Variants in RAP1A observed in about 807,000 individuals in gnomAD.
RAP1A encodes the protein ras-related protein Rap-1A.
RAP1A carries 6 observed loss-of-function variants against 26.4 expected under a neutral mutation model. That is an observed-to-expected ratio of 0.23 (90% confidence interval 0.12 to 0.45). RAP1A has a LOEUF of 0.45. RAP1A is among the 20% of genes least tolerant of loss of function. The pLI is 0.99. For missense variants in RAP1A, 121 were observed against 217.2 expected (o/e 0.56, Z 2.78); for synonymous variants, 73 against 79.4 (o/e 0.92, Z 0.43).
At chr1:111,647,931 A>G (rs1259649468) in intron 1 of RAP1A, among the ~76,000 whole-genome samples, 1 of 152,178 alleles carries the variant, frequency 6.6e-6, no homozygotes, top group Non-Finnish European at 1.5e-5. Context: ...CTGAACTTCA[A>G]GGCGTTTAGT....
At chr1:111,580,910 A>G (rs1190613952) in intron 1 of RAP1A, among the ~76,000 whole-genome samples, 1 of 151,470 alleles carries the variant, frequency 6.6e-6, no homozygotes, top group Admixed American at 6.6e-5. Flanking sequence ...AGAGAATGCC[A>G]GAATTTAAGA....
intron 1 of RAP1A, among the ~76,000 whole-genome samples, chr1:111,560,907 T>C (rs1414586601): frequency 6.6e-6 from 1 of 152,192 alleles, no homozygotes; most frequent in Non-Finnish European, 1.5e-5. Flanking sequence ...TGTAGCCCAA[T>C]TTGCTCTTCC....
intron 1 of RAP1A, among the ~76,000 whole-genome samples, chr1:111,654,058 T>A (rs1245721578): frequency 6.6e-6 from 1 of 152,204 alleles, no homozygotes; most frequent in East Asian, 1.9e-4. Flanking sequence ...CTAAGGATAA[T>A]GCTTTGCACA....
chr1:111,596,713 G>C (rs900834124), intron 1 of RAP1A, among the ~76,000 whole-genome samples: 1 of 152,234 alleles, frequency 6.6e-6, no homozygotes, highest in East Asian at 1.9e-4. Flanking sequence ...CCACTTCCTG[G>C]TTCATAGATG....
chr1:111,705,612 A>G (rs1247227709), intron 6 of RAP1A, among the ~76,000 whole-genome samples: 1 of 152,230 alleles, frequency 6.6e-6, no homozygotes, highest in Non-Finnish European at 1.5e-5. Context: ...GTATTTATTC[A>G]GCAAATATTT....
intron 4 of RAP1A, among the ~76,000 whole-genome samples, chr1:111,698,412 G>A (rs1441633673): frequency 6.6e-6 from 1 of 151,990 alleles, no homozygotes; most frequent in Admixed American, 6.6e-5. Flanking sequence ...AGAATTAAAG[G>A]CACGTACCAC....
chr1:111,629,471 T>C (rs1659504584), intron 1 of RAP1A, among the ~76,000 whole-genome samples: 1 of 152,176 alleles, frequency 6.6e-6, no homozygotes, highest in African/African-American at 2.4e-5. Context: ...TATCTTCCAA[T>C]GGAGAAAAGA....
chr1:111,586,572 G>A (rs1039943525), intron 1 of RAP1A, among the ~76,000 whole-genome samples: 1 of 152,200 alleles, frequency 6.6e-6, no homozygotes, highest in African/African-American at 2.4e-5. Context: ...AACAGAGTGA[G>A]ACCACATCTC....
At chr1:111,564,263 C>T (rs1291612360) in intron 1 of RAP1A, among the ~76,000 whole-genome samples, 3 of 152,188 alleles carry the variant, frequency 2.0e-5, no homozygotes, top group Non-Finnish European at 4.4e-5. Flanking sequence ...ATTGCCTTTT[C>T]CCATTCCCTA....
chr1:111,671,005 A>C (rs1175703481), intron 1 of RAP1A, among the ~76,000 whole-genome samples: 6 of 152,254 alleles, frequency 3.9e-5, no homozygotes, highest in Non-Finnish European at 1.5e-5. Flanking sequence ...CTTCAGTTAT[A>C]CTTTACTAAA....
intron 1 of RAP1A, among the ~76,000 whole-genome samples, chr1:111,551,388 T>C: frequency 6.6e-6 from 1 of 152,180 alleles, no homozygotes; most frequent in East Asian, 1.9e-4. Flanking sequence ...TCCTTTACCA[T>C]TTCTTTTACT....
intron 1 of RAP1A, among the ~76,000 whole-genome samples, chr1:111,601,701 C>G (rs1658675418): frequency 6.6e-6 from 1 of 152,222 alleles, no homozygotes. Flanking sequence ...AATCCCAGTT[C>G]TGCCATTTCT....
intron 1 of RAP1A, among the ~76,000 whole-genome samples, chr1:111,638,406 G>C (rs1047907645): frequency 6.6e-6 from 1 of 151,058 alleles, no homozygotes; most frequent in Admixed American, 6.7e-5. Flanking sequence ...TATATGTGCT[G>C]GTCTTTTTCT....
At chr1:111,667,660 C>T (rs1481266571) in intron 1 of RAP1A, among the ~76,000 whole-genome samples, 5 of 147,050 alleles carry the variant, frequency 3.4e-5, no homozygotes, top group Admixed American at 6.9e-5. Flanking sequence ...CCAGCCTGGG[C>T]GACAAGAGCA....
rs1661658555 is a variant in RAP1A at position 111,691,338 on chromosome 1, T to C, written c.-23T>C. 6.2e-7 allele frequency: 1 copy of C among 1,602,330 alleles called. No individual in the cohort carries two copies. The highest frequency in any genetic ancestry group is 8.5e-7 in the Non-Finnish European group (1 of 1,172,432). On this transcript the variant is annotated 5_prime_UTR_variant, in exon 2 of 8. Transcript: ENST00000369709. ...ATTTTTTTGTTTGTTTTTCAGATCG[T>C]CAGTATTTAAACAGATCACATCATG...
intron 1 of RAP1A, among the ~76,000 whole-genome samples, chr1:111,655,156 C>G (rs529811123): frequency 7.9e-5 from 12 of 151,286 alleles, no homozygotes; most frequent in Non-Finnish European, 1.2e-4. Context: ...GTACCCAATC[C>G]TTAGCAGTTA....
chr1:111,559,012 C>A (rs1657626731), intron 1 of RAP1A, among the ~76,000 whole-genome samples: 2 of 152,058 alleles, frequency 1.3e-5, no homozygotes, highest in Admixed American at 1.3e-4. Flanking sequence ...TTCCCAGAGA[C>A]CAAGTTCTCT....
intron 1 of RAP1A, among the ~76,000 whole-genome samples, chr1:111,571,292 C>T (rs981696348): frequency 6.6e-6 from 1 of 152,218 alleles, no homozygotes; most frequent in Non-Finnish European, 1.5e-5. Flanking sequence ...TGTCCCAGCC[C>T]ATCCCTGTGT....
intron 1 of RAP1A, among the ~76,000 whole-genome samples, chr1:111,635,529 C>T (rs764257937): frequency 6.6e-6 from 1 of 152,120 alleles, no homozygotes; most frequent in Non-Finnish European, 1.5e-5. Flanking sequence ...GCTGTTATTA[C>T]CCCAAAGTTG....
Sources: allele counts gnomAD v4.1 joint callset (sites outside exome capture counted in the v4.1 genomes callset), GRCh38; gene constraint gnomAD v4.1.1; transcripts MANE v1.5; gene names NCBI Gene and HGNC (gene_info 2026-07-23, HGNC 2026-07-21).